CUL2: variants seen among roughly 807,000 people sequenced by gnomAD.
The protein encoded by CUL2 is cullin 2.
Under a neutral mutation model 110.2 loss-of-function variants are expected in CUL2, and 22 were observed. The ratio of observed to expected loss-of-function variants is 0.20; its 90% CI spans 0.14 to 0.28. The LOEUF is 0.28. Ranked by LOEUF, CUL2 falls within the 10% of genes least tolerant of loss-of-function variation. The pLI is 1.00. For synonymous variants in CUL2, 279 were observed against 293.2 expected, an observed-to-expected ratio of 0.95 and a Z score of 0.49; for missense variants, 631 against 905.5, an observed-to-expected ratio of 0.70 and a Z score of 3.89.
chr10:35,010,648 T>C (rs1160497057), intron 20 of CUL2, among the ~76,000 whole-genome samples: 2 of 152,114 alleles, frequency 1.3e-5, no homozygotes, highest in Non-Finnish European at 1.5e-5. Context: ...ATAAACTAAT[T>C]AACCTAAGTA....
At chr10:35,097,130 G>T (rs2135099271) in intron 2 of CUL2, among the ~76,000 whole-genome samples, 1 of 152,076 alleles carries the variant, frequency 6.6e-6, no homozygotes, top group South Asian at 2.1e-4. Context: ...TTTCTTCAAA[G>T]GTTTACCTTA....
At chr10:35,107,243 G>A (rs1317368312) in intron 1 of CUL2, among the ~76,000 whole-genome samples, 2 of 151,770 alleles carry the variant, frequency 1.3e-5, no homozygotes, top group African/African-American at 4.8e-5. Flanking sequence ...CAAAGTGCTG[G>A]GATTACAGGC....
At chr10:35,048,967 A>G (rs553338483) in intron 6 of CUL2, among the ~76,000 whole-genome samples, 18 of 152,284 alleles carry the variant, frequency 1.2e-4, no homozygotes, top group African/African-American at 4.3e-4. Context: ...ATATAGGTGG[A>G]GTGGCCATTA....
intron 4 of CUL2, among the ~76,000 whole-genome samples, chr10:35,057,446 C>T (rs2086265438): frequency 6.6e-6 from 1 of 151,926 alleles, no homozygotes; most frequent in Non-Finnish European, 1.5e-5. Flanking sequence ...CACCTGAGGT[C>T]AGGAGACCAG....
intron 12 of CUL2, among the ~76,000 whole-genome samples, chr10:35,032,173 G>A (rs968252507): frequency 1.3e-5 from 2 of 152,152 alleles, no homozygotes; most frequent in African/African-American, 4.8e-5. Flanking sequence ...GATTTCAGAT[G>A]TAACAGAATC....
At chr10:35,050,221 T>C (rs1339903041) in intron 5 of CUL2, among the ~76,000 whole-genome samples, 1 of 151,522 alleles carries the variant, frequency 6.6e-6, no homozygotes, top group Admixed American at 6.6e-5. Flanking sequence ...CTCGGGAGGC[T>C]GAGGCAGGAG....
chr10:35,126,314 G>A (rs2087819484), intron 1 of CUL2, among the ~76,000 whole-genome samples: 1 of 152,198 alleles, frequency 6.6e-6, no homozygotes, highest in Non-Finnish European at 1.5e-5. Flanking sequence ...AGAAGCAGGT[G>A]AATTGTCTCA....
intron 1 of CUL2, among the ~76,000 whole-genome samples, chr10:35,114,104 A>G (rs1360254542): frequency 6.8e-6 from 1 of 147,024 alleles, no homozygotes; most frequent in Non-Finnish European, 1.5e-5. Flanking sequence ...TGGTATCTTT[A>G]GTTGAGACGG....
At chr10:35,074,931 G>C (rs1470201238) in intron 1 of CUL2, among the ~76,000 whole-genome samples, 1 of 152,132 alleles carries the variant, frequency 6.6e-6, no homozygotes, top group East Asian at 1.9e-4. Context: ...TCTGAGAGTG[G>C]GGACAATTCT....
intron 1 of CUL2, among the ~76,000 whole-genome samples, chr10:35,080,874 G>A (rs1589045999): frequency 6.6e-6 from 1 of 152,118 alleles, no homozygotes; most frequent in Non-Finnish European, 1.5e-5. Context: ...CAAAAAGGGT[G>A]ACACGGTGGG....
chr10:35,016,454 C>T (rs1019542463), intron 17 of CUL2, 60 bp from the exon 18 acceptor site: 4 of 1,303,206 alleles, frequency 3.1e-6, no homozygotes, highest in Non-Finnish European at 4.3e-6. Flanking sequence ...TTCAAATTTA[C>T]TTTATTTCAG....
chr10:35,034,968 G>A (rs1298908493), intron 10 of CUL2, among the ~76,000 whole-genome samples: 1 of 152,224 alleles, frequency 6.6e-6, no homozygotes, highest in Non-Finnish European at 1.5e-5. Flanking sequence ...TGGCTAAGCA[G>A]CAGCCTATCA....
intron 1 of CUL2, among the ~76,000 whole-genome samples, chr10:35,073,580 C>CTTTTCTTTTTTTTTTTCTTTTTCT (rs1459008461): frequency 2.7e-5 from 4 of 150,796 alleles, no homozygotes; most frequent in Non-Finnish European, 4.4e-5. Flanking sequence ...ATTTTCTTTT[C>CTTTTCTTTTTTTTTTTCTTTTTCT]TTTTCTTTTT....
intron 6 of CUL2, among the ~76,000 whole-genome samples, chr10:35,045,446 G>A (rs999987656): frequency 4.0e-5 from 6 of 151,466 alleles, no homozygotes; most frequent in Non-Finnish European, 8.8e-5. Context: ...ATGCATGGTG[G>A]CACACACCTG....
rs1323856878 is a variant in CUL2, at chr10:35,031,213, T to C, written c.1386+87A>G. The C allele has an allele frequency of 7.4e-6, 6 of 809,542 alleles. No homozygotes were observed. The highest frequency in any genetic ancestry group is 1.2e-5 in the Non-Finnish European group (6 of 506,856). The allele number at this position is 809,542 out of a possible 1,614,324, so 50.1% of individuals were successfully genotyped here. A position where few individuals can be genotyped will look rare whatever the true frequency, so the allele number is the denominator to read the frequency against. On this transcript the variant is annotated intron_variant, in intron 14 of 20. Transcript: ENST00000374749. The surrounding 1 kb of genome is among the most constrained non-coding windows in gnomAD (Gnocchi z 4.4). Reference sequence around the variant, plus strand: ...ACATTTAACCAGATGAATTGTTTCCTGTTACTGTACACAATGCTGCAATGA... The same window carrying C: ...ACATTTAACCAGATGAATTGTTTCCCGTTACTGTACACAATGCTGCAATGA...
At chr10:35,086,455 T>C (rs1007159978) in intron 1 of CUL2, among the ~76,000 whole-genome samples, 1 of 151,938 alleles carries the variant, frequency 6.6e-6, no homozygotes, top group African/African-American at 2.4e-5. Context: ...ACCTGGCTAA[T>C]TTCTGTATTT....
At chr10:35,117,838 A>G (rs1295375577) in intron 1 of CUL2, among the ~76,000 whole-genome samples, 2 of 152,206 alleles carry the variant, frequency 1.3e-5, no homozygotes, top group African/African-American at 2.4e-5. Context: ...TATTTTTATA[A>G]CAAGTATGCT....
intron 6 of CUL2, among the ~76,000 whole-genome samples, chr10:35,047,267 C>T (rs1564720232): frequency 6.6e-6 from 1 of 152,074 alleles, no homozygotes; most frequent in Non-Finnish European, 1.5e-5. Flanking sequence ...TATGATAGTT[C>T]CTCAATTCTG....
chr10:35,065,323 C>T (rs1279800411), intron 2 of CUL2, among the ~76,000 whole-genome samples: 2 of 152,020 alleles, frequency 1.3e-5, no homozygotes, highest in Non-Finnish European at 2.9e-5. Context: ...GGCAGATCAC[C>T]AGGTCAAGAG....
Sources: allele counts gnomAD v4.1 joint callset (sites outside exome capture counted in the v4.1 genomes callset), GRCh38; gene constraint gnomAD v4.1.1; non-coding constraint Gnocchi (gnomAD v3.1); transcripts MANE v1.5; gene names NCBI Gene and HGNC (gene_info 2026-07-23, HGNC 2026-07-21).